GRID2IP: variants seen among roughly 807,000 people sequenced by gnomAD.
The protein encoded by GRID2IP is Grid2 interacting protein.
GRID2IP carries 78 observed loss-of-function variants against 114.3 expected under a neutral mutation model. The observed-to-expected ratio is 0.68, with a 90% CI of 0.57 to 0.82. The LOEUF is 0.82. Ranked by LOEUF, GRID2IP falls within the 40% of genes least tolerant of loss-of-function variation. GRID2IP has a pLI of 0.00. For synonymous variants in GRID2IP, 809 were observed against 724.0 expected, an observed-to-expected ratio of 1.12 and a Z score of -1.89; for missense variants, 1,727 against 1,678.5, an observed-to-expected ratio of 1.03 and a Z score of -0.51.
rs1468671612 is a variant in GRID2IP, at chr7:6,521,684, G to A, written c.990-161C>T. Among the ~76,000 whole-genome samples, 1 of 152,192 alleles carries A rather than the reference G, an allele frequency of 6.6e-6. No individual in the cohort carries two copies. The highest frequency in any genetic ancestry group is 2.4e-5 in the African/African-American group (1 of 41,448). On this transcript the variant is annotated intron_variant, in intron 5 of 21. Transcript: ENST00000457091. This position sits in a 1 kb window ranked among gnomAD's most constrained non-coding sequence, Gnocchi z 4.1. ...AGCTGGAGTATTTTCTGGTTGGAAG[G>A]ATGAACTGAGGTCCTGGCTAGAGTT...
rs138078164 is a variant in GRID2IP at position 6,540,575 on chromosome 7, C to T, written c.430-703G>A. On this transcript the variant is annotated intron_variant, in intron 1 of 21. Transcript: ENST00000457091. ...TCACTCTGCCACCCAGGCTGGGGTG[C>T]GGTGGCTCAATCTTGATTCACTGCA... 9.5e-3 allele frequency among the ~76,000 whole-genome samples: 1,434 copies of T among 150,850 alleles called. 22 individuals carry two copies. Among genetic ancestry groups the T allele is most frequent in the African/African-American group, 0.033 (1,372 of 41,038 alleles).
intron 1 of GRID2IP, among the ~76,000 whole-genome samples, chr7:6,544,560 G>A (rs563489334): frequency 1.3e-5 from 2 of 152,048 alleles, no homozygotes; most frequent in South Asian, 4.2e-4. Flanking sequence ...GTTTACAGGT[G>A]TGAGCCACTG....
intron 8 of GRID2IP, among the ~76,000 whole-genome samples, chr7:6,511,732 C>T (rs996328803): frequency 6.6e-6 from 1 of 152,118 alleles, no homozygotes; most frequent in Non-Finnish European, 1.5e-5. Context: ...CAGCATGGAT[C>T]CTGAGCTTCT....
At chr7:6,518,436 C>A (rs1037973018) in intron 7 of GRID2IP, among the ~76,000 whole-genome samples, 1 of 151,682 alleles carries the variant, frequency 6.6e-6, no homozygotes, top group African/African-American at 2.4e-5. Flanking sequence ...ACTTTTATGG[C>A]TAAGAAAGTA....
Position 6,526,384 on chromosome 7 carries a change from T to C in GRID2IP, c.834-75A>G. ...GCGCAGAGGTTGGAGATGTCCCGTG[T>C]CCCTCTCCCCTTAACCTCTCCGGCC... On this transcript the variant is annotated intron_variant, in intron 3 of 21. Transcript: ENST00000457091. This position sits in a 1 kb window ranked among gnomAD's most constrained non-coding sequence, Gnocchi z 7.6. 1 of 1,499,920 alleles carries C rather than the reference T, an allele frequency of 6.7e-7. No homozygotes were observed. Among genetic ancestry groups the C allele is most frequent in the African/African-American group, 1.4e-5 (1 of 72,176 alleles). 92.9% of individuals were successfully genotyped at this position (1,499,920 alleles called of 1,614,324 possible). A position where few individuals can be genotyped will look rare whatever the true frequency, so the allele number is the denominator to read the frequency against.
chr7:6,542,270 A>G (rs574349628), intron 1 of GRID2IP, among the ~76,000 whole-genome samples: 2 of 137,676 alleles, frequency 1.5e-5, no homozygotes, highest in South Asian at 4.5e-4. Context: ...TTGCCATTGT[A>G]CTCCAGCCTA....
Position 6,503,180 on chromosome 7 carries a change from G to T in GRID2IP, c.2908-17C>A. 9 of 1,334,990 alleles carry T rather than the reference G, an allele frequency of 6.7e-6. No homozygotes were observed. The highest frequency in any genetic ancestry group is 8.8e-6 in the Non-Finnish European group (9 of 1,017,928). 82.7% of individuals were successfully genotyped at this position (1,334,990 alleles called of 1,614,324 possible). ...TGACAGCATCTGCCTCGAAGGCAGA[G>T]CCAGGATTCACCCATCCCCTTCCTG... On this transcript the variant is annotated splice_polypyrimidine_tract_variant and intron_variant, in intron 16 of 21. Coordinates refer to ENST00000457091, the MANE Select transcript of GRID2IP (RefSeq NM_001145118.2).
At chr7:6,529,281 T>C (rs1779572185) in intron 2 of GRID2IP, among the ~76,000 whole-genome samples, 1 of 151,976 alleles carries the variant, frequency 6.6e-6, no homozygotes, top group South Asian at 2.1e-4. Context: ...TGAAACCCCA[T>C]CTCTACTAAA....
At chr7:6,530,337 C>T (rs1218634365) in intron 2 of GRID2IP, among the ~76,000 whole-genome samples, 1 of 151,590 alleles carries the variant, frequency 6.6e-6, no homozygotes, top group Non-Finnish European at 1.5e-5. Flanking sequence ...ACTCTTGGCT[C>T]ACTGCAACCT....
Position 6,505,848 on chromosome 7 carries a change from C to T in GRID2IP, c.2604G>A (p.Glu868=), listed in dbSNP as rs1462162643. 1.9e-6 allele frequency: 3 copies of T among 1,551,984 alleles called. No homozygotes were observed. The highest frequency in any genetic ancestry group is 1.4e-5 in the African/African-American group (1 of 73,058). Residue 868 remains glutamate, a synonymous_variant, in exon 14 of 22, where the codon GAG becomes GAA. Coordinates refer to ENST00000457091, the MANE Select transcript of GRID2IP (RefSeq NM_001145118.2). ...LSDMVKYLDL[E]LHFGTQKPAK... ...CAGGTTTCTGGGTGCCGAAGTGGAG[C>T]TCCAGGTCGAGGTATTTCACCATGT...
chr7:6,536,716 A>T lies in GRID2IP; in HGVS notation c.584+3002T>A. ...GGGGCTGCCTGTCAATCAGCTCCCC[A>T]GGAAGCGCTCAGAGCCAGCGCATCA... On this transcript the variant is annotated intron_variant, in intron 2 of 21. Transcript: ENST00000457091. The surrounding 1 kb of genome is among the most constrained non-coding windows in gnomAD (Gnocchi z 5.3). The T allele has an allele frequency of 1.5e-6, 1 of 681,822 alleles. No homozygotes were observed. Among genetic ancestry groups the T allele is most frequent in the Non-Finnish European group, 2.7e-6 (1 of 371,360 alleles). 42.2% of individuals were successfully genotyped at this position (681,822 alleles called of 1,614,324 possible).
intron 1 of GRID2IP, among the ~76,000 whole-genome samples, chr7:6,546,328 C>T (rs373486869): frequency 2.8e-4 from 43 of 150,978 alleles, no homozygotes; most frequent in African/African-American, 8.0e-4. Context: ...CTGCCTGCCT[C>T]GGCCTCCCAA....
At chr7:6,522,385 C>G (rs1324864349) in intron 4 of GRID2IP, among the ~76,000 whole-genome samples, 1 of 152,150 alleles carries the variant, frequency 6.6e-6, no homozygotes, top group Non-Finnish European at 1.5e-5. Flanking sequence ...GGGCAGGACT[C>G]AGGCAGCATC....
intron 8 of GRID2IP, among the ~76,000 whole-genome samples, chr7:6,511,621 C>T (rs1583338547): frequency 6.6e-6 from 1 of 152,148 alleles, no homozygotes; most frequent in East Asian, 1.9e-4. Flanking sequence ...GATCCGCCTG[C>T]CTCGGCCTCC....
chr7:6,504,922 G>C lies in GRID2IP; in HGVS notation c.2633-52C>G, dbSNP rs573963488. Reference sequence around the variant, plus strand: ...AGGCGGCTAGGCTGAGGCTGCAGTGGGAAGGCCCAGGGGTGGCGTGGTCAC... The same window carrying C: ...AGGCGGCTAGGCTGAGGCTGCAGTGCGAAGGCCCAGGGGTGGCGTGGTCAC... On this transcript the variant is annotated intron_variant, in intron 14 of 21. Transcript: ENST00000457091. 2.7e-6 allele frequency: 4 copies of C among 1,465,734 alleles called. No individual in the cohort carries two copies. The East Asian group carries it at 9.9e-5, about 36-fold the overall frequency. The allele number at this position is 1,465,734 out of a possible 1,614,324, so 90.8% of individuals were successfully genotyped here.
chr7:6,514,923 G>GCCTGGGAGACAGAGTGAGACTCCAA (rs1324357874), intron 7 of GRID2IP, among the ~76,000 whole-genome samples: 1 of 149,072 alleles, frequency 6.7e-6, no homozygotes, highest in East Asian at 2.0e-4. Context: ...CTGCACTCCA[G>GCCTGGGAGACAGAGTGAGACTCCAA]CCTGGGAGAC....
In GRID2IP at chr7:6,520,224, G is replaced by A. The variant is rs548197040; in HGVS notation, c.1268+354C>T. On this transcript the variant is annotated intron_variant, in intron 7 of 21. Coordinates refer to ENST00000457091, the MANE Select transcript of GRID2IP (RefSeq NM_001145118.2). The surrounding 1 kb of genome is among the most constrained non-coding windows in gnomAD (Gnocchi z 4.6). ...GAAGAATCGCTTGAACCCAGGAGGC[G>A]GAGGCTGCAGTGAGCCAAGATCTCA... Among the ~76,000 whole-genome samples, 24 of 152,182 alleles carry A rather than the reference G, an allele frequency of 1.6e-4. No individual in the cohort carries two copies. In the East Asian group the frequency reaches 3.3e-3, roughly 21 times the overall value.
chr7:6,504,286 G>A (rs1203271122), intron 15 of GRID2IP, among the ~76,000 whole-genome samples: 1 of 151,594 alleles, frequency 6.6e-6, no homozygotes, highest in Non-Finnish European at 1.5e-5. Flanking sequence ...GGGGGAGAGG[G>A]CGGGGCCCAG....
At chr7:6,524,513 G>A (rs1462907999) in intron 4 of GRID2IP, among the ~76,000 whole-genome samples, 1 of 152,106 alleles carries the variant, frequency 6.6e-6, no homozygotes, top group Non-Finnish European at 1.5e-5. Flanking sequence ...CTGCCCCACT[G>A]GAGGGGCAGG....
Sources: allele counts gnomAD v4.1 joint callset (sites outside exome capture counted in the v4.1 genomes callset), GRCh38; gene constraint gnomAD v4.1.1; non-coding constraint Gnocchi (gnomAD v3.1); transcripts MANE v1.5; gene names NCBI Gene and HGNC (gene_info 2026-07-23, HGNC 2026-07-21).